UBE2N: variants seen among roughly 807,000 people sequenced by gnomAD.
UBE2N encodes the protein ubiquitin-conjugating enzyme E2 N.
For synonymous variants in UBE2N, 70 were observed against 69.2 expected, an observed-to-expected ratio of 1.01 and a Z score of -0.06; for missense variants, 60 against 192.1, an observed-to-expected ratio of 0.31 and a Z score of 4.07.
intron 1 of UBE2N, among the ~76,000 whole-genome samples, chr12:93,416,952 G>A: frequency 6.6e-6 from 1 of 151,262 alleles, no homozygotes; most frequent in Admixed American, 6.6e-5. Flanking sequence ...TGAATTTTGT[G>A]ATTCTATTAT....
chr12:93,433,780 C>T (rs967014603), intron 1 of UBE2N, among the ~76,000 whole-genome samples: 8 of 152,172 alleles, frequency 5.3e-5, no homozygotes, highest in Non-Finnish European at 8.8e-5. Flanking sequence ...AGCACATATG[C>T]ATCCATAGTT....
intron 1 of UBE2N, among the ~76,000 whole-genome samples, chr12:93,422,252 A>G (rs576999892): frequency 6.6e-6 from 1 of 151,948 alleles, no homozygotes; most frequent in African/African-American, 2.4e-5. Context: ...AAGCATCTCC[A>G]TTTTCTATGG....
chr12:93,427,577 A>C (rs1225473129), intron 1 of UBE2N, among the ~76,000 whole-genome samples: 1 of 152,234 alleles, frequency 6.6e-6, no homozygotes, highest in Non-Finnish European at 1.5e-5. Flanking sequence ...AAAGCAGATA[A>C]ATGGTTGCCA....
intron 1 of UBE2N, among the ~76,000 whole-genome samples, chr12:93,426,041 A>T (rs931499929): frequency 2.6e-5 from 4 of 152,254 alleles, no homozygotes; most frequent in African/African-American, 9.6e-5. Context: ...ATTATCAATT[A>T]GGTCTGAAAT....
At chr12:93,441,643 C>A (rs1879114775) in intron 1 of UBE2N, among the ~76,000 whole-genome samples, 1 of 152,000 alleles carries the variant, frequency 6.6e-6, no homozygotes, top group African/African-American at 2.4e-5. Flanking sequence ...CCCCGGGTCC[C>A]CGCTGTCCGG....
chr12:93,410,415 T>C, intron 3 of UBE2N: 1 of 503,520 alleles, frequency 2.0e-6, no homozygotes, highest in East Asian at 3.6e-5. Flanking sequence ...CTGAATACTT[T>C]AATCAAATGG....
At chr12:93,430,981 C>CT (rs1878750153) in intron 1 of UBE2N, among the ~76,000 whole-genome samples, 4 of 150,846 alleles carry the variant, frequency 2.7e-5, no homozygotes, top group African/African-American at 9.7e-5. Context: ...GTAATCCCAG[C>CT]ACTTTGGGAG....
intron 1 of UBE2N, among the ~76,000 whole-genome samples, chr12:93,423,531 T>A (rs1222449826): frequency 6.6e-6 from 1 of 152,158 alleles, no homozygotes; most frequent in African/African-American, 2.4e-5. Context: ...AATTTCACAT[T>A]AGACAGTTAA....
chr12:93,420,311 T>C (rs1028566220), intron 1 of UBE2N, among the ~76,000 whole-genome samples: 2 of 152,158 alleles, frequency 1.3e-5, no homozygotes, highest in Non-Finnish European at 2.9e-5. Flanking sequence ...TACATCCTAA[T>C]TTTTTCCCTC....
At chr12:93,427,596 A>C (rs1262867524) in intron 1 of UBE2N, among the ~76,000 whole-genome samples, 1 of 152,184 alleles carries the variant, frequency 6.6e-6, no homozygotes, top group Admixed American at 6.5e-5. Flanking sequence ...CAGGGGTTGA[A>C]GGTAGAGTGA....
intron 1 of UBE2N, among the ~76,000 whole-genome samples, chr12:93,429,656 T>A (rs1236835925): frequency 6.6e-6 from 1 of 151,680 alleles, no homozygotes; most frequent in Non-Finnish European, 1.5e-5. Context: ...AGATGACAGC[T>A]CCATGTGTGT....
intron 1 of UBE2N, among the ~76,000 whole-genome samples, chr12:93,425,840 C>A (rs1408052928): frequency 4.6e-5 from 7 of 152,182 alleles, no homozygotes; most frequent in Non-Finnish European, 1.0e-4. Flanking sequence ...CCAGAGATAC[C>A]AGCCTTATCA....
intron 1 of UBE2N, among the ~76,000 whole-genome samples, chr12:93,411,769 TGCAG>T (rs1878038503): frequency 6.6e-6 from 1 of 152,168 alleles, no homozygotes; most frequent in Non-Finnish European, 1.5e-5. Context: ...CTTGGCTCAC[TGCAG>T]CCTCGACCTC....
chr12:93,425,676 A>G (rs1041176823), intron 1 of UBE2N, among the ~76,000 whole-genome samples: 9 of 152,214 alleles, frequency 5.9e-5, no homozygotes, highest in Non-Finnish European at 1.5e-5. Flanking sequence ...AGGCCTAGCC[A>G]AGCAGTGACT....
intron 1 of UBE2N, among the ~76,000 whole-genome samples, chr12:93,426,335 G>C (rs549677155): frequency 2.8e-5 from 4 of 140,976 alleles, no homozygotes; most frequent in African/African-American, 1.1e-4. Flanking sequence ...ATAAATGCTG[G>C]AATCAGTTCT....
At chr12:93,427,014 G>A (rs569487722) in intron 1 of UBE2N, among the ~76,000 whole-genome samples, 4 of 152,234 alleles carry the variant, frequency 2.6e-5, no homozygotes, top group South Asian at 2.1e-4. Context: ...CTGCTTCCCA[G>A]GTTGAAGCAA....
intron 1 of UBE2N, among the ~76,000 whole-genome samples, chr12:93,413,482 G>A (rs549916509): frequency 4.6e-5 from 7 of 152,022 alleles, no homozygotes; most frequent in African/African-American, 9.7e-5. Flanking sequence ...TCCCCTCATC[G>A]TGCCTCTTGC....
At chr12:93,421,690 T>A (rs1878417316) in intron 1 of UBE2N, among the ~76,000 whole-genome samples, 1 of 152,074 alleles carries the variant, frequency 6.6e-6, no homozygotes, top group East Asian at 1.9e-4. Flanking sequence ...AAGATAAAAA[T>A]AGGAAAAAAA....
intron 1 of UBE2N, among the ~76,000 whole-genome samples, chr12:93,425,167 A>AG (rs1305082248): frequency 1.3e-5 from 2 of 152,216 alleles, no homozygotes; most frequent in African/African-American, 2.4e-5. Flanking sequence ...ATAAAGAAGC[A>AG]GAGAGGTCAA....
Sources: allele counts gnomAD v4.1 joint callset (sites outside exome capture counted in the v4.1 genomes callset), GRCh38; gene constraint gnomAD v4.1.1; transcripts MANE v1.5; gene names NCBI Gene and HGNC (gene_info 2026-07-23, HGNC 2026-07-21).